KNL1: variants seen among roughly 807,000 people sequenced by gnomAD.
KNL1 encodes kinetochore scaffold 1, also known as outer kinetochore KNL1 complex subunit KNL1.
Under a neutral mutation model 201.3 loss-of-function variants are expected in KNL1, and 66 were observed. That is an observed-to-expected ratio of 0.33 (90% CI 0.27 to 0.40). The LOEUF (loss-of-function observed/expected upper bound fraction) is 0.40. Ranked by LOEUF, KNL1 falls within the 10% of genes least tolerant of loss-of-function variation. The pLI is 1.00. For synonymous variants in KNL1, 895 were observed against 899.2 expected, an observed-to-expected ratio of 1.00 and a Z score of 0.08; for missense variants, 2,815 against 2,690.5, an observed-to-expected ratio of 1.05 and a Z score of -1.02.
At chr15:40,619,032 CT>C in intron 9 of KNL1, 21 bp downstream of exon 9, 1 of 1,473,578 alleles carries the variant, frequency 6.8e-7, no homozygotes, top group Non-Finnish European at 9.5e-7. Context: ...ATGCAAATAC[CT>C]TCATATTGTA....
Position 40,615,659 on chromosome 15 carries a change from C to T in KNL1, c.322+281C>T, listed in dbSNP as rs996011722. On this transcript the variant is annotated intron_variant, in intron 8 of 25. Transcript: ENST00000399668. ...GTGCGCTCCTGTAGTCCCAGCTACTCGGGGCTGAGGCAGGGGAATCGCTTG... is the reference window on the plus strand; with the variant it reads ...GTGCGCTCCTGTAGTCCCAGCTACTTGGGGCTGAGGCAGGGGAATCGCTTG... The T allele has an allele frequency of 9.3e-4, 149 of 160,456 alleles. 1 individual carries two copies. Among genetic ancestry groups the T allele is most frequent in the Non-Finnish European group, 9.4e-5 (7 of 74,154 alleles). 9.9% of individuals were successfully genotyped at this position (160,456 alleles called of 1,614,324 possible).
At chr15:40,659,301 T>C (rs372634250) in intron 24 of KNL1, 38 bp from the exon 25 acceptor site, 56 of 1,574,312 alleles carry the variant, frequency 3.6e-5, no homozygotes, top group African/African-American at 1.6e-4. Context: ...CATGCTATTA[T>C]TTGTTGCATT....
At chr15:40,631,394 C>A (rs1040816222) in intron 13 of KNL1, among the ~76,000 whole-genome samples, 1 of 151,956 alleles carries the variant, frequency 6.6e-6, no homozygotes, top group African/African-American at 2.4e-5. Flanking sequence ...GTCTGTGGGA[C>A]ATACAGCAAA....
intron 17 of KNL1, among the ~76,000 whole-genome samples, chr15:40,648,713 C>T (rs1893467305): frequency 6.6e-6 from 1 of 152,134 alleles, no homozygotes; most frequent in African/African-American, 2.4e-5. Context: ...CACCTTCTTC[C>T]ATTCCAACCT....
In KNL1 at chr15:40,652,032, G is replaced by A; in HGVS notation, c.6342G>A (p.Trp2114Ter). Reference sequence around the variant, plus strand: ...TGTCTGAGTGGGATGTCGTTGAGTGGAGTGATGATCAAGCTGTATTCACCT... The same window carrying A: ...TGTCTGAGTGGGATGTCGTTGAGTGAAGTGATGATCAAGCTGTATTCACCT... Reference protein sequence around the residue: ...LSLSEWDVVEWSDDQAVFTFV... With the variant: ...LSLSEWDVVE The change falls in exon 21 of 26, where the codon TGG becomes TGA. Residue 2114 changes from tryptophan (W) to a stop codon, truncating the protein, a stop_gained. Transcript: ENST00000399668. LOFTEE classifies it high-confidence loss of function. 6.2e-7 allele frequency: 1 copy of A among 1,613,434 alleles called. No individual in the cohort carries two copies. Among genetic ancestry groups the A allele is most frequent in the Non-Finnish European group, 8.5e-7 (1 of 1,179,542 alleles).
intron 13 of KNL1, among the ~76,000 whole-genome samples, chr15:40,632,361 C>T (rs1226887073): frequency 2.0e-5 from 3 of 152,130 alleles, no homozygotes; most frequent in African/African-American, 7.2e-5. Flanking sequence ...GTAATCCCAA[C>T]ACTTTGGGAG....
Position 40,624,599 on chromosome 15 carries a change from C to T in KNL1, c.4335C>T (p.Phe1445=), listed in dbSNP as rs758497029. ...TTTATGTTATTCCTCAGCCTCATTT[C>T]TCAACCGACCAACCTCCATTACCTA... ...DDIYVIPQPH[F]STDQPPLPKK... is the part of the protein sequence containing the mutation. The change falls in exon 10 of 26, where the codon TTC becomes TTT. Residue 1445 remains phenylalanine (F), a synonymous_variant. Transcript: ENST00000399668. 10 of 1,613,942 alleles carry T rather than the reference C, an allele frequency of 6.2e-6. No individual in the cohort carries two copies. In the East Asian group the frequency reaches 1.8e-4, roughly 29 times the overall value.
intron 7 of KNL1, among the ~76,000 whole-genome samples, chr15:40,615,012 T>C (rs1293518184): frequency 6.6e-6 from 1 of 152,002 alleles, no homozygotes; most frequent in African/African-American, 2.4e-5. Flanking sequence ...ATCCTCCCAC[T>C]TCACGCTCCC....
In KNL1 at chr15:40,623,571, G is replaced by C. The variant is rs1202240015; in HGVS notation, c.3307G>C (p.Glu1103Gln). Residue 1103 changes from glutamate to glutamine, a missense_variant, in exon 10 of 26, where the codon GAG becomes CAG. Transcript: ENST00000399668. Reference sequence around the variant, plus strand: ...GGAAATAGATAACGAAAGTGCCCTGGAGGATAAAGAGGACTTCCATTTGGC... The same window carrying C: ...GGAAATAGATAACGAAAGTGCCCTGCAGGATAAAGAGGACTTCCATTTGGC... Reference protein sequence around the residue: ...MVEIDNESALEDKEDFHLAGA... With the variant: ...MVEIDNESALQDKEDFHLAGA... The C allele has an allele frequency of 6.2e-7, 1 of 1,613,666 alleles. No homozygotes were observed. The highest frequency in any genetic ancestry group is 1.7e-5 in the Admixed American group (1 of 60,014).
intron 7 of KNL1, among the ~76,000 whole-genome samples, chr15:40,614,089 C>A (rs552780619): frequency 1.4e-5 from 2 of 145,592 alleles, no homozygotes; most frequent in Non-Finnish European, 3.0e-5. Context: ...TGAGCCACCA[C>A]GCCTGGCCCC....
At chr15:40,652,455 C>CTT (rs35374662) in intron 21 of KNL1, among the ~76,000 whole-genome samples, 3 of 120,064 alleles carry the variant, frequency 2.5e-5, no homozygotes, top group Admixed American at 8.2e-5. Flanking sequence ...GCTGGAGATT[C>CTT]TTTTTTTTTT....
rs1304251694 is a variant in KNL1 at position 40,624,212 on chromosome 15, G to A, written c.3948G>A (p.Glu1316=). The change falls in exon 10 of 26, where the codon GAG becomes GAA. Residue 1316 remains glutamate (E), a synonymous_variant. Coordinates refer to ENST00000399668, the MANE Select transcript of KNL1 (RefSeq NM_144508.5). ...PNVISCTDNL[E]GSAMLLCDKD... ...TTATTTCCTGTACTGATAATTTGGAGGGTAGTGCCATGCTCTTATGTGATA... is the reference window on the plus strand; with the variant it reads ...TTATTTCCTGTACTGATAATTTGGAAGGTAGTGCCATGCTCTTATGTGATA... The A allele has an allele frequency of 8.1e-6, 13 of 1,613,896 alleles. No homozygotes were observed. Among genetic ancestry groups the A allele is most frequent in the Non-Finnish European group, 1.1e-5 (13 of 1,179,916 alleles).
At chr15:40,633,698 A>C (rs1247500801) in intron 13 of KNL1, among the ~76,000 whole-genome samples, 3 of 151,548 alleles carry the variant, frequency 2.0e-5, no homozygotes, top group Admixed American at 6.6e-5. Flanking sequence ...AAGCCACCAC[A>C]CCTGGCTAAT....
intron 21 of KNL1, among the ~76,000 whole-genome samples, 167 bp from the exon 22 acceptor site, chr15:40,654,742 G>A (rs1016664500): frequency 1.3e-5 from 2 of 151,968 alleles, no homozygotes; most frequent in African/African-American, 4.8e-5. Context: ...GGTGGCGGGC[G>A]CCTGTAGTCC....
intron 8 of KNL1, chr15:40,615,762 CTT>C (rs746991512): frequency 1.0e-4 from 14 of 133,744 alleles, no homozygotes; most frequent in Non-Finnish European, 1.9e-4. Flanking sequence ...GAGCTTTGTT[CTT>C]TTTTTTTTTT....
intron 1 of KNL1, among the ~76,000 whole-genome samples, chr15:40,594,595 T>C (rs1175954834): frequency 6.6e-6 from 1 of 152,104 alleles, no homozygotes. Flanking sequence ...TTGTGCCGCC[T>C]CCCGCTTCCC....
intron 13 of KNL1, among the ~76,000 whole-genome samples, chr15:40,638,526 C>G (rs1048229924): frequency 4.0e-5 from 6 of 151,808 alleles, no homozygotes; most frequent in Non-Finnish European, 8.8e-5. Context: ...GAGTCTTGCT[C>G]TGTCACCTAG....
At chr15:40,647,222 C>T (rs942661965) in intron 17 of KNL1, 148 bp downstream of exon 17, 6 of 518,584 alleles carry the variant, frequency 1.2e-5, no homozygotes, top group African/African-American at 7.9e-5. Context: ...CGCCTGTAAT[C>T]CCAGCACTTT....
intron 10 of KNL1, among the ~76,000 whole-genome samples, chr15:40,627,370 C>G (rs1474545221): frequency 6.6e-6 from 1 of 151,960 alleles, no homozygotes; most frequent in African/African-American, 2.4e-5. Context: ...AAAAATTAGC[C>G]AGGCATGGTG....
Sources: allele counts gnomAD v4.1 joint callset (sites outside exome capture counted in the v4.1 genomes callset), GRCh38; gene constraint gnomAD v4.1.1; transcripts MANE v1.5; gene names NCBI Gene and HGNC (gene_info 2026-07-23, HGNC 2026-07-21).